Variants in FOXP1 observed in about 807,000 individuals in gnomAD.
FOXP1 encodes forkhead box protein P1.
FOXP1 carries 15 observed loss-of-function variants against 98.2 expected under a neutral mutation model. The observed-to-expected ratio is 0.15, with a 90% CI of 0.10 to 0.24. FOXP1 has a LOEUF of 0.24. FOXP1 is among the 10% of genes least tolerant of loss of function. The probability of loss-of-function intolerance (pLI) is 1.00; values close to 1 mark genes in which losing one functional copy is unlikely to be tolerated. For synonymous variants in FOXP1, 371 were observed against 314.5 expected, an observed-to-expected ratio of 1.18 and a Z score of -1.90; for missense variants, 633 against 848.5, an observed-to-expected ratio of 0.75 and a Z score of 3.15.
chr3:71,274,959 T>C (rs2070747186), intron 5 of FOXP1, among the ~76,000 whole-genome samples: 2 of 152,236 alleles, frequency 1.3e-5, no homozygotes, highest in East Asian at 1.9e-4. Flanking sequence ...TATACTCATA[T>C]ACACATAATT....
chr3:71,300,030 C>G (rs1248244475), intron 4 of FOXP1, 150 bp from the exon 5 acceptor site: 3 of 152,272 alleles, frequency 2.0e-5, no homozygotes, highest in African/African-American at 7.2e-5. Flanking sequence ...TCCCAAGAAT[C>G]TCTACTTATC....
intron 5 of FOXP1, among the ~76,000 whole-genome samples, chr3:71,232,942 TACC>T (rs752937811): frequency 1.2e-4 from 16 of 135,936 alleles, no homozygotes; most frequent in Admixed American, 1.5e-4. Context: ...ACAATACTAC[TACC>T]ACCACCACCA....
intron 5 of FOXP1, among the ~76,000 whole-genome samples, chr3:71,255,069 C>A (rs192558049): frequency 1.6e-3 from 249 of 152,288 alleles, no homozygotes; most frequent in Middle Eastern, 0.01. Flanking sequence ...TTGAAAGAAA[C>A]TACACCCTTT....
intron 5 of FOXP1, among the ~76,000 whole-genome samples, chr3:71,266,892 A>C (rs922382243): frequency 1.3e-4 from 20 of 152,212 alleles, no homozygotes; most frequent in African/African-American, 4.6e-4. Flanking sequence ...TTGCAGTAAG[A>C]AACATGATTT....
intron 4 of FOXP1, among the ~76,000 whole-genome samples, chr3:71,346,914 G>A (rs1252778030): frequency 2.6e-5 from 4 of 152,014 alleles, no homozygotes; most frequent in African/African-American, 7.2e-5. Flanking sequence ...GTGGTGGCAC[G>A]CACCTGCCTC....
intron 20 of FOXP1, among the ~76,000 whole-genome samples, chr3:70,963,973 A>G (rs2034177252): frequency 1.3e-5 from 2 of 152,158 alleles, no homozygotes; most frequent in South Asian, 4.1e-4. Flanking sequence ...ATTCCAATAG[A>G]CTGGAACAGT....
chr3:71,022,431 T>G (rs140612708), intron 11 of FOXP1, among the ~76,000 whole-genome samples: 62 of 152,316 alleles, frequency 4.1e-4, no homozygotes, highest in African/African-American at 1.1e-3. Context: ...GGGGGAGAGA[T>G]AGGTTTTTAA....
intron 18 of FOXP1, chr3:70,972,261 G>C: frequency 8.0e-7 from 1 of 1,248,800 alleles, no homozygotes; most frequent in Non-Finnish European, 1.1e-6. Flanking sequence ...ATCCAATACA[G>C]GGAACAGGAA....
intron 7 of FOXP1, among the ~76,000 whole-genome samples, chr3:71,102,020 A>C (rs745310874): frequency 4.9e-4 from 74 of 152,322 alleles, no homozygotes; most frequent in Middle Eastern, 3.4e-3. Flanking sequence ...AGAAGGCAGC[A>C]ACCCCAGACC....
chr3:71,281,401 C>G (rs139254260), intron 5 of FOXP1, among the ~76,000 whole-genome samples: 1 of 152,290 alleles, frequency 6.6e-6, no homozygotes, highest in African/African-American at 2.4e-5. Flanking sequence ...AACAGCCAAC[C>G]CTCTGCTATC....
intron 3 of FOXP1, among the ~76,000 whole-genome samples, chr3:71,460,430 G>A (rs1414588670): frequency 6.7e-6 from 1 of 148,236 alleles, no homozygotes; most frequent in Non-Finnish European, 1.5e-5. Flanking sequence ...GGTTTTTTTC[G>A]TTTTTTTTTG....
At chr3:71,528,225 C>T (rs933043067) in intron 2 of FOXP1, among the ~76,000 whole-genome samples, 3 of 152,162 alleles carry the variant, frequency 2.0e-5, no homozygotes, top group African/African-American at 7.2e-5. Context: ...TAGTAAATTG[C>T]TGACAAACAG....
Position 71,110,676 on chromosome 3 carries a change from C to T in FOXP1, c.282+1860G>A, listed in dbSNP as rs550219638. ...GGAATCTGCAATGTGGCCTCCGCTGCTGACCTCTGAAACACAATTCCCAGT... is the reference window on the plus strand; with the variant it reads ...GGAATCTGCAATGTGGCCTCCGCTGTTGACCTCTGAAACACAATTCCCAGT... On this transcript the variant is annotated intron_variant, in intron 7 of 20. Transcript: ENST00000649528. Among the ~76,000 whole-genome samples, 3 of 152,342 alleles carry T rather than the reference C, an allele frequency of 2.0e-5. No individual in the cohort carries two copies. The South Asian group carries it at 6.2e-4, about 32-fold the overall frequency.
intron 6 of FOXP1, among the ~76,000 whole-genome samples, chr3:71,134,792 A>G (rs1342661327): frequency 1.3e-5 from 2 of 152,226 alleles, no homozygotes; most frequent in Non-Finnish European, 2.9e-5. Flanking sequence ...TAAAGCTATG[A>G]AAACTTTAAC....
chr3:71,101,356 G>A (rs2056942511), intron 7 of FOXP1, among the ~76,000 whole-genome samples: 1 of 152,120 alleles, frequency 6.6e-6, no homozygotes, highest in South Asian at 2.1e-4. Context: ...TCTAGAACAA[G>A]CACACAGCCC....
intron 5 of FOXP1, among the ~76,000 whole-genome samples, chr3:71,208,235 G>C (rs1403919529): frequency 6.6e-6 from 1 of 152,144 alleles, no homozygotes; most frequent in Non-Finnish European, 1.5e-5. Context: ...CATAGTACTA[G>C]ACTTTTTCTC....
chr3:71,438,371 A>G (rs1441698973), intron 3 of FOXP1, among the ~76,000 whole-genome samples: 2 of 152,226 alleles, frequency 1.3e-5, no homozygotes, highest in East Asian at 3.8e-4. Context: ...GAAAACAGCA[A>G]GACTAATCCT....
intron 5 of FOXP1, among the ~76,000 whole-genome samples, chr3:71,226,056 CA>C (rs2065809987): frequency 6.6e-6 from 1 of 152,196 alleles, no homozygotes; most frequent in Admixed American, 6.5e-5. Context: ...TCAGGAGAGA[CA>C]GGGGCAGAGA....
chr3:71,270,010 C>A (rs893126351), intron 5 of FOXP1, among the ~76,000 whole-genome samples: 6 of 152,160 alleles, frequency 3.9e-5, no homozygotes, highest in African/African-American at 1.2e-4. Flanking sequence ...TCTGAGTTTC[C>A]GAGTGCTGGA....
Sources: gnomAD v4.1 joint callset for allele counts (sites outside exome capture counted in the v4.1 genomes callset) on GRCh38, gnomAD v4.1.1 for gene constraint, MANE v1.5 for transcripts, NCBI Gene and HGNC (gene_info 2026-07-23, HGNC 2026-07-21) for gene names.